SLC4A4: variants seen among roughly 807,000 people sequenced by gnomAD.
SLC4A4 encodes the protein solute carrier family 4 member 4.
SLC4A4 carries 27 observed loss-of-function variants against 111.5 expected under a neutral mutation model. The observed-to-expected ratio is 0.24, with a 90% confidence interval of 0.18 to 0.33. The LOEUF (loss-of-function observed/expected upper bound fraction) is 0.33. Ranked by LOEUF, SLC4A4 falls within the 10% of genes least tolerant of loss-of-function variation. SLC4A4 has a pLI of 1.00. For missense variants in SLC4A4, 909 were observed against 1,315.5 expected, an observed-to-expected ratio of 0.69 and a Z score of 4.78; for synonymous variants, 443 against 463.4, an observed-to-expected ratio of 0.96 and a Z score of 0.57.
chr4:71,503,802 T>TA (rs1731154731), intron 16 of SLC4A4, among the ~76,000 whole-genome samples: 1 of 152,204 alleles, frequency 6.6e-6, no homozygotes, highest in Non-Finnish European at 1.5e-5. Flanking sequence ...ATTTTCATGA[T>TA]AATAAATATC....
chr4:71,087,546 C>T (rs1316254997), intron 1 of SLC4A4, among the ~76,000 whole-genome samples: 2 of 152,034 alleles, frequency 1.3e-5, no homozygotes, highest in Non-Finnish European at 2.9e-5. Flanking sequence ...GCATTTAGTG[C>T]TATAAATTTC....
intron 15 of SLC4A4, among the ~76,000 whole-genome samples, chr4:71,491,633 C>T (rs1392340777): frequency 2.6e-5 from 4 of 151,706 alleles, no homozygotes; most frequent in Admixed American, 1.3e-4. Flanking sequence ...CCTGAGCTGC[C>T]GGGATAGGCT....
chr4:71,394,073 T>C (rs1273829579), intron 6 of SLC4A4, among the ~76,000 whole-genome samples: 3 of 152,118 alleles, frequency 2.0e-5, no homozygotes, highest in Non-Finnish European at 2.9e-5. Context: ...GAAGATAACA[T>C]TGGAAAAACC....
intron 16 of SLC4A4, among the ~76,000 whole-genome samples, chr4:71,521,141 A>C (rs1283076801): frequency 6.6e-6 from 1 of 152,224 alleles, no homozygotes; most frequent in African/African-American, 2.4e-5. Context: ...GACAGGCATG[A>C]GCCACCACAT....
chr4:71,306,396 C>A (rs1725688688), intron 3 of SLC4A4, among the ~76,000 whole-genome samples: 1 of 152,130 alleles, frequency 6.6e-6, no homozygotes, highest in African/African-American at 2.4e-5. Context: ...TCCTGGCCAA[C>A]ATGGTGAAAC....
chr4:71,162,757 T>C lies in SLC4A4; in HGVS notation c.-2+69965T>C, dbSNP rs547790394. On this transcript the variant is annotated intron_variant, in intron 2 of 26. Coordinates refer to the SLC4A4 transcript ENST00000649996. ...GAAAAAGAAAAAATAATTATGATAA[T>C]TCTTTACGGCTACCATGTGTGGTCA... 1.8e-4 allele frequency among the ~76,000 whole-genome samples: 28 copies of C among 152,322 alleles called. No homozygotes were observed. In the East Asian group the frequency reaches 3.1e-3, roughly 17 times the overall value.
At chr4:71,126,723 G>T (rs1743572241) in intron 2 of SLC4A4, among the ~76,000 whole-genome samples, 1 of 152,170 alleles carries the variant, frequency 6.6e-6, no homozygotes, top group Non-Finnish European at 1.5e-5. Flanking sequence ...TATGAGGAGA[G>T]AATTTCTAGT....
At chr4:71,070,274 G>T (rs2148929808) in intron 1 of SLC4A4, among the ~76,000 whole-genome samples, 1 of 152,276 alleles carries the variant, frequency 6.6e-6, no homozygotes, top group South Asian at 2.1e-4. Context: ...AACAAAAGTT[G>T]ATTTCTCAAT....
At chr4:71,319,591 T>A (rs1726959642) in intron 3 of SLC4A4, among the ~76,000 whole-genome samples, 1 of 152,046 alleles carries the variant, frequency 6.6e-6, no homozygotes, top group Admixed American at 6.6e-5. Flanking sequence ...ATTGAAAATT[T>A]GTTGGTATTA....
intron 14 of SLC4A4, among the ~76,000 whole-genome samples, chr4:71,479,584 A>G (rs1329869569): frequency 1.3e-5 from 2 of 151,784 alleles, no homozygotes; most frequent in African/African-American, 4.8e-5. Context: ...CCCATGAACT[A>G]TATCATAATA....
rs1736364395 is a variant in SLC4A4, at chr4:71,555,184, A to G, written c.2739A>G (p.Gly913=). 4 of 1,610,100 alleles carry G rather than the reference A, an allele frequency of 2.5e-6. No homozygotes were observed. Among genetic ancestry groups the G allele is most frequent in the Non-Finnish European group, 3.4e-6 (4 of 1,177,020 alleles). ...TCTATGGTGTGTTCCTGTATATGGG[A>G]GTAGCATCCCTTAATGGTGTGCAGG... ...PVLYGVFLYM[G]VASLNGVQFM... The change falls in exon 21 of 26, where the codon GGA becomes GGG. Residue 913 remains glycine (G), a synonymous_variant. Transcript: ENST00000264485.
chr4:71,392,394 C>T (rs1011747145), intron 6 of SLC4A4, among the ~76,000 whole-genome samples: 26 of 151,972 alleles, frequency 1.7e-4, no homozygotes, highest in African/African-American at 5.8e-4. Flanking sequence ...TATCCTCTGG[C>T]GATACCCCTC....
chr4:71,498,704 G>T (rs1209329187), intron 16 of SLC4A4, among the ~76,000 whole-genome samples: 3 of 152,156 alleles, frequency 2.0e-5, no homozygotes, highest in Admixed American at 2.0e-4. Context: ...ATAGCCCAAG[G>T]AATGAAAAAT....
intron 12 of SLC4A4, among the ~76,000 whole-genome samples, chr4:71,458,473 A>G (rs891663273): frequency 6.6e-6 from 1 of 152,066 alleles, no homozygotes; most frequent in African/African-American, 2.4e-5. Context: ...ATTTTTTTCC[A>G]GGAGTAAATA....
Position 71,252,985 on chromosome 4 carries a change from C to T in SLC4A4, c.74-2235C>T, listed in dbSNP as rs115382180. ...AACATTTCTGCTTGACCTCTGGGCA[C>T]CATAGCACTTCACAGTGCAGTGTCA... is the stretch of plus-strand genomic sequence containing the variant. On this transcript the variant is annotated intron_variant, in intron 2 of 25. Transcript: ENST00000264485. Among the ~76,000 whole-genome samples, 295 of 152,246 alleles carry T rather than the reference C, an allele frequency of 1.9e-3. 1 individual carries two copies. The highest frequency in any genetic ancestry group is 6.6e-3 in the African/African-American group (276 of 41,536).
chr4:71,176,828 A>C (rs573170011), intron 2 of SLC4A4, among the ~76,000 whole-genome samples: 2,046 of 152,246 alleles, frequency 0.013, 43 homozygotes, highest in African/African-American at 0.047. Flanking sequence ...AATACAGAGA[A>C]CACCACAAAG....
chr4:71,374,864 A>G (rs1303018219), intron 6 of SLC4A4, among the ~76,000 whole-genome samples: 3 of 152,040 alleles, frequency 2.0e-5, no homozygotes, highest in African/African-American at 4.8e-5. Context: ...TATGTGTGAT[A>G]TATTTATAAT....
intron 1 of SLC4A4, among the ~76,000 whole-genome samples, chr4:71,071,613 G>A (rs1384067865): frequency 6.6e-6 from 1 of 152,074 alleles, no homozygotes; most frequent in African/African-American, 2.4e-5. Flanking sequence ...AGCGTCTTAA[G>A]TTATCCTTCC....
chr4:71,496,715 G>A (rs1020775732), intron 15 of SLC4A4, among the ~76,000 whole-genome samples: 1 of 151,938 alleles, frequency 6.6e-6, no homozygotes. Flanking sequence ...CAAAAAATAG[G>A]AACAAGAGTG....
Sources: allele counts gnomAD v4.1 joint callset (sites outside exome capture counted in the v4.1 genomes callset), GRCh38; gene constraint gnomAD v4.1.1; transcripts MANE v1.5; gene names NCBI Gene and HGNC (gene_info 2026-07-23, HGNC 2026-07-21).